MRRF: variants seen among roughly 807,000 people sequenced by gnomAD.
MRRF encodes the protein ribosome-recycling factor, mitochondrial.
In MRRF, 18 loss-of-function variants were observed where a neutral mutation model predicts 25.1. The observed-to-expected ratio is 0.72, with a 90% CI of 0.50 to 1.06. The LOEUF (loss-of-function observed/expected upper bound fraction) is 1.06. MRRF is among the 50% of genes least tolerant of loss of function. The pLI, the probability that MRRF is intolerant of heterozygous loss-of-function variation, is 0.00. For missense variants in MRRF, 323 were observed against 319.3 expected (o/e 1.01, Z -0.09); for synonymous variants, 113 against 112.1 (o/e 1.01, Z -0.05).
chr9:122,297,404 A>G (rs1195855986), intron 5 of MRRF, among the ~76,000 whole-genome samples: 1 of 152,024 alleles, frequency 6.6e-6, no homozygotes, highest in East Asian at 1.9e-4. Flanking sequence ...AGTCAAGCAT[A>G]TGTCTGGTAT....
chr9:122,307,627 A>T (rs987215511), intron 5 of MRRF, among the ~76,000 whole-genome samples: 1 of 152,124 alleles, frequency 6.6e-6, no homozygotes, highest in Non-Finnish European at 1.5e-5. Context: ...ATCCCCCATT[A>T]TTTCATTTAA....
At chr9:122,277,299 C>T (rs1178447964) in intron 2 of MRRF, among the ~76,000 whole-genome samples, 3 of 152,058 alleles carry the variant, frequency 2.0e-5, no homozygotes, top group Admixed American at 2.0e-4. Flanking sequence ...TGAATTTTGT[C>T]TTAAAATCTT....
chr9:122,269,614 C>T lies in MRRF; in HGVS notation c.-28-1250C>T, dbSNP rs545811397. Among the ~76,000 whole-genome samples, 135 of 152,256 alleles carry T rather than the reference C, an allele frequency of 8.9e-4. 1 individual carries two copies. Among genetic ancestry groups the T allele is most frequent in the African/African-American group, 3.1e-3 (128 of 41,542 alleles). On this transcript the variant is annotated intron_variant, in intron 1 of 6. Coordinates refer to ENST00000344641, the MANE Select transcript of MRRF (RefSeq NM_138777.5). ...TGGTGGCATGTGCCTGTAATCCCAGCTACTTGGGAGGCTGAGGCATGAGAA... is the reference window on the plus strand; with the variant it reads ...TGGTGGCATGTGCCTGTAATCCCAGTTACTTGGGAGGCTGAGGCATGAGAA...
At chr9:122,290,462 A>T (rs1337037241) in intron 4 of MRRF, among the ~76,000 whole-genome samples, 1 of 152,224 alleles carries the variant, frequency 6.6e-6, no homozygotes, top group Non-Finnish European at 1.5e-5. Flanking sequence ...CTTCATGTGT[A>T]TGTGGAAGTT....
rs188930193 is a variant in MRRF, at chr9:122,274,686, C to T, written c.184+3611C>T. Among the ~76,000 whole-genome samples the T allele has an allele frequency of 2.4e-3, 372 of 151,908 alleles. 3 individuals carry two copies. Among genetic ancestry groups the T allele is most frequent in the Non-Finnish European group, 1.5e-3 (104 of 67,932 alleles). The stretch of plus-strand genomic sequence containing the variant: ...TTAGGAAATTTTTCATTTTTTTGAC[C>T]TTTCAAAGTTGTTGATATAAAGTTG... On this transcript the variant is annotated intron_variant, in intron 2 of 6. Transcript: ENST00000344641.
chr9:122,296,863 G>A (rs542973084), intron 5 of MRRF, among the ~76,000 whole-genome samples: 2 of 152,234 alleles, frequency 1.3e-5, no homozygotes, highest in East Asian at 3.9e-4. Flanking sequence ...GTTCATGCCT[G>A]GCTTTAAATA....
rs765131163 is a variant in MRRF, at chr9:122,274,533, GGTGTGTGTGTGTGTGT to G, written c.184+3485_184+3500del. On this transcript the variant is annotated intron_variant, in intron 2 of 6. Transcript: ENST00000344641. The stretch of plus-strand genomic sequence containing the variant: ...CTTGCCTGTAAAGTAATATGAATCT[GGTGTGTGTGTGTGTGT>G]GTGTGTGTGTGTGTGTGTGTGTGTG... 3.2e-3 allele frequency among the ~76,000 whole-genome samples: 457 copies of G among 140,648 alleles called. 3 individuals carry two copies. Among genetic ancestry groups the G allele is most frequent in the African/African-American group, 0.011 (411 of 37,290 alleles). The allele number at this position is 140,648 out of a possible 152,430, so 92.3% of individuals were successfully genotyped here.
intron 5 of MRRF, among the ~76,000 whole-genome samples, chr9:122,302,036 C>G (rs1170895307): frequency 6.6e-6 from 1 of 151,986 alleles, no homozygotes; most frequent in Non-Finnish European, 1.5e-5. Flanking sequence ...AAGACCATGC[C>G]TGGCCTGCAT....
intron 2 of MRRF, among the ~76,000 whole-genome samples, chr9:122,272,651 T>G (rs1440154109): frequency 6.6e-6 from 1 of 152,206 alleles, no homozygotes; most frequent in Non-Finnish European, 1.5e-5. Context: ...TTCGATTCTT[T>G]CATATTAGGG....
chr9:122,306,751 C>T (rs1422682063), intron 5 of MRRF, among the ~76,000 whole-genome samples: 1 of 152,106 alleles, frequency 6.6e-6, no homozygotes, highest in African/African-American at 2.4e-5. Flanking sequence ...CCTTCTGTGG[C>T]GACAGGGAAA....
chr9:122,277,793 C>T (rs1369026126), intron 2 of MRRF, among the ~76,000 whole-genome samples: 2 of 152,244 alleles, frequency 1.3e-5, no homozygotes, highest in Non-Finnish European at 2.9e-5. Context: ...CTCAGGTGAT[C>T]CGCCCGCCTT....
chr9:122,306,833 C>T (rs774237091), intron 5 of MRRF, among the ~76,000 whole-genome samples: 3 of 152,196 alleles, frequency 2.0e-5, no homozygotes, highest in Non-Finnish European at 4.4e-5. Flanking sequence ...CCTCCTTTCT[C>T]ATTTGGTCAG....
At chr9:122,282,167 C>A (rs1833126192) in intron 3 of MRRF, among the ~76,000 whole-genome samples, 1 of 152,158 alleles carries the variant, frequency 6.6e-6, no homozygotes, top group South Asian at 2.1e-4. Flanking sequence ...CCAGATTGTT[C>A]CGTTTTATCT....
At chr9:122,307,231 G>C (rs1470747421) in intron 5 of MRRF, among the ~76,000 whole-genome samples, 1 of 152,158 alleles carries the variant, frequency 6.6e-6, no homozygotes, top group Non-Finnish European at 1.5e-5. Context: ...CCTGTAGGGG[G>C]GAGTCCCGGA....
intron 5 of MRRF, among the ~76,000 whole-genome samples, chr9:122,308,578 A>G (rs1490277682): frequency 6.6e-6 from 1 of 151,462 alleles, no homozygotes; most frequent in African/African-American, 2.4e-5. Context: ...TTGTGACTGT[A>G]ATCCCAGCTA....
Position 122,313,306 on chromosome 9 carries a change from G to T in MRRF, c.631G>T (p.Val211Phe). The T allele has an allele frequency of 1.9e-6, 3 of 1,614,076 alleles. No individual in the cohort carries two copies. Among genetic ancestry groups the T allele is most frequent in the East Asian group, 2.2e-5 (1 of 44,880 alleles). ...TNKAKDSLRK[V>F]RTNSMNKLKK... ...CAAGGCCAAAGACTCTTTACGGAAG[G>T]TTCGCACCAACTCAATGAACAAGCT... is the stretch of plus-strand genomic sequence containing the variant. Residue 211 changes from valine (V) to phenylalanine (F), a missense_variant, in exon 6 of 7, where the codon GTT (valine) becomes TTT (phenylalanine). Val to Phe is a conservative substitution (Grantham distance 50). Coordinates refer to ENST00000344641, the MANE Select transcript of MRRF (RefSeq NM_138777.5).
At chr9:122,284,307 C>G (rs1257459032) in intron 3 of MRRF, among the ~76,000 whole-genome samples, 1 of 152,078 alleles carries the variant, frequency 6.6e-6, no homozygotes. Flanking sequence ...GGTCTTGGCT[C>G]TTGTTTTTCC....
intron 4 of MRRF, among the ~76,000 whole-genome samples, chr9:122,289,576 T>C (rs73557009): frequency 0.026 from 3,908 of 152,214 alleles, 149 homozygotes; most frequent in African/African-American, 0.085. Context: ...GATTCTCTCT[T>C]TATTGTTAAC....
chr9:122,273,921 T>C (rs1263983598), intron 2 of MRRF, among the ~76,000 whole-genome samples: 1 of 152,204 alleles, frequency 6.6e-6, no homozygotes, highest in African/African-American at 2.4e-5. Flanking sequence ...CAATTTAATA[T>C]CCATCCTACA....
Sources: gnomAD v4.1 joint callset for allele counts (sites outside exome capture counted in the v4.1 genomes callset) on GRCh38, gnomAD v4.1.1 for gene constraint, MANE v1.5 for transcripts, NCBI Gene and HGNC (gene_info 2026-07-23, HGNC 2026-07-21) for gene names.